The following MCM5 variants were observed in gnomAD, a reference collection of about 807,000 sequenced individuals.
The protein encoded by MCM5 is DNA replication licensing factor MCM5.
In MCM5, 46 loss-of-function variants were observed where a neutral mutation model predicts 79.9. The observed-to-expected ratio is 0.58, with a 90% CI of 0.45 to 0.74. MCM5 has a LOEUF of 0.74. MCM5 is among the 30% of genes least tolerant of loss of function. MCM5 has a pLI of 0.00. For synonymous variants in MCM5, 404 were observed against 390.5 expected (o/e 1.03, Z -0.41); for missense variants, 883 against 1,017.0 (o/e 0.87, Z 1.79).
chr22:35,439,173 A>C, the MCM5 span, among the ~76,000 whole-genome samples: 1 of 151,302 alleles, frequency 6.6e-6, no homozygotes, highest in African/African-American at 2.4e-5. Flanking sequence ...TCATCCATCC[A>C]CTCACCCGCC....
chr22:35,401,726 C>A (rs1033046750), intron 2 of MCM5: 5 of 470,874 alleles, frequency 1.1e-5, no homozygotes, highest in Non-Finnish European at 2.2e-5. Flanking sequence ...AGACGTGCTT[C>A]TTGTCCTAGA....
chr22:35,450,632 C>G, the MCM5 span, among the ~76,000 whole-genome samples: 1 of 152,214 alleles, frequency 6.6e-6, no homozygotes, highest in Non-Finnish European at 1.5e-5. Flanking sequence ...CCAGGGACTT[C>G]TGAAGACAGG....
At chr22:35,401,593 A>C (rs1340234407) in intron 2 of MCM5, 2 of 470,684 alleles carry the variant, frequency 4.2e-6, no homozygotes, top group African/African-American at 2.0e-5. Flanking sequence ...AGTGACTTCC[A>C]GGTGTCAGTG....
At chr22:35,453,841 G>GAGAGAT in the MCM5 span, among the ~76,000 whole-genome samples, 1 of 150,120 alleles carries the variant, frequency 6.7e-6, no homozygotes, top group Non-Finnish European at 1.5e-5. Flanking sequence ...GAGAGAGAGA[G>GAGAGAT]AGAGAGATAG....
chr22:35,452,771 T>C, the MCM5 span, among the ~76,000 whole-genome samples: 5 of 152,126 alleles, frequency 3.3e-5, no homozygotes, highest in East Asian at 3.9e-4. Context: ...CTTGTGCAAA[T>C]AGAACATTTT....
chr22:35,418,488 C>T (rs1391689700), intron 13 of MCM5, among the ~76,000 whole-genome samples: 2 of 152,014 alleles, frequency 1.3e-5, no homozygotes, highest in African/African-American at 4.8e-5. Flanking sequence ...GGCGAAACCC[C>T]ATGTCTACTA....
intron 9 of MCM5, among the ~76,000 whole-genome samples, chr22:35,414,545 G>T (rs748566569): frequency 6.6e-6 from 1 of 152,006 alleles, no homozygotes; most frequent in Non-Finnish European, 1.5e-5. Flanking sequence ...CTTAAGCCCA[G>T]AACGGGGAGG....
intron 5 of MCM5, among the ~76,000 whole-genome samples, chr22:35,407,843 T>G (rs574040988): frequency 7.2e-5 from 11 of 152,358 alleles, no homozygotes; most frequent in Admixed American, 1.3e-4. Flanking sequence ...TGATAGGAAC[T>G]TAGGCTCCAC....
Position 35,400,570 on chromosome 22 carries a change from G to A in MCM5, c.132G>A (p.Val44=). The A allele has an allele frequency of 1.9e-6, 3 of 1,613,396 alleles. No homozygotes were observed. In the Admixed American group the frequency reaches 5.0e-5, roughly 27 times the overall value. ...AGGAGTTCCTGCGGCAGTACCGAGT[G>A]GGCACCGACCGCACGGGCTTCACCT... ...RFKEFLRQYR[V]GTDRTGFTFK... is the part of the protein sequence containing the mutation. The change falls in exon 2 of 17, where the codon GTG becomes GTA. Residue 44 remains valine (V), a synonymous_variant. Transcript: ENST00000216122.
Position 35,417,896 on chromosome 22 carries a change from A to G in MCM5, c.1703+40A>G, listed in dbSNP as rs371397001. 3 of 1,465,374 alleles carry G rather than the reference A, an allele frequency of 2.0e-6. No homozygotes were observed. In the African/African-American group the frequency reaches 4.2e-5, roughly 20 times the overall value. 90.8% of individuals were successfully genotyped at this position (1,465,374 alleles called of 1,614,324 possible). A position where few individuals can be genotyped will look rare whatever the true frequency, so the allele number is the denominator to read the frequency against. On this transcript the variant is annotated intron_variant, in intron 13 of 16. Coordinates refer to ENST00000216122, the MANE Select transcript of MCM5 (RefSeq NM_006739.4). ...CAGGCCCACGGGGGTGAGGTTGCCC[A>G]GCTTCCCTGGGTGGGAGAGAACCCA...
the MCM5 span, among the ~76,000 whole-genome samples, chr22:35,452,646 C>G: frequency 6.6e-6 from 1 of 152,196 alleles, no homozygotes; most frequent in African/African-American, 2.4e-5. Flanking sequence ...GCCCTTGGCA[C>G]TGGAAGCCTG....
At chr22:35,416,564 T>TG (rs1932548502) in intron 11 of MCM5, 74 bp from the exon 12 acceptor site, 1 of 899,506 alleles carries the variant, frequency 1.1e-6, no homozygotes. Context: ...TGTGTGTGTG[T>TG]GTGTGTGTAA....
the MCM5 span, among the ~76,000 whole-genome samples, chr22:35,441,097 G>A: frequency 6.6e-6 from 1 of 152,032 alleles, no homozygotes; most frequent in African/African-American, 2.4e-5. Context: ...GTGACCGTAT[G>A]GTGAAGGGAC....
the MCM5 span, among the ~76,000 whole-genome samples, chr22:35,431,437 G>T: frequency 0.13 from 20,076 of 152,130 alleles, 1,398 homozygotes; most frequent in East Asian, 0.15. Flanking sequence ...TAGACTCTTA[G>T]AAATATTCAG....
chr22:35,407,478 G>A (rs1380257443), intron 5 of MCM5, among the ~76,000 whole-genome samples: 2 of 152,086 alleles, frequency 1.3e-5, no homozygotes, highest in Non-Finnish European at 2.9e-5. Context: ...AGCCCACCAC[G>A]ATCTGCTCCT....
At chr22:35,443,831 T>C in the MCM5 span, among the ~76,000 whole-genome samples, 1 of 152,138 alleles carries the variant, frequency 6.6e-6, no homozygotes, top group Non-Finnish European at 1.5e-5. Context: ...TGGTGCCCCT[T>C]GAGCCCAGTG....
intron 12 of MCM5, among the ~76,000 whole-genome samples, chr22:35,417,296 G>T (rs1489732353): frequency 1.3e-5 from 2 of 152,138 alleles, no homozygotes; most frequent in Non-Finnish European, 2.9e-5. Flanking sequence ...TGTTCCTCTT[G>T]TGGTGGCAAA....
At chr22:35,445,495 ATTTTTGTATTTTTGTATTTTT>A in the MCM5 span, among the ~76,000 whole-genome samples, 1 of 94,930 alleles carries the variant, frequency 1.1e-5, no homozygotes, top group Non-Finnish European at 2.2e-5. Flanking sequence ...CACCCAGCTA[ATTTTTGTATTTTTGTATTTTT>A]TTTTTTTTTT....
chr22:35,445,721 G>C, the MCM5 span, among the ~76,000 whole-genome samples: 1 of 152,110 alleles, frequency 6.6e-6, no homozygotes, highest in Non-Finnish European at 1.5e-5. Context: ...ATGTTGGCCA[G>C]GATGGTCTTG....
Sources: gnomAD v4.1 joint callset for allele counts (sites outside exome capture counted in the v4.1 genomes callset) on GRCh38, gnomAD v4.1.1 for gene constraint, MANE v1.5 for transcripts, NCBI Gene and HGNC (gene_info 2026-07-23, HGNC 2026-07-21) for gene names.